CDK14: variants seen among roughly 807,000 people sequenced by gnomAD.
The protein encoded by CDK14 is cyclin dependent kinase 14.
In CDK14, 34 loss-of-function variants were observed where a neutral mutation model predicts 60.7. That is an observed-to-expected ratio of 0.56 (90% CI 0.43 to 0.75). CDK14 has a LOEUF of 0.75. Ranked by LOEUF, CDK14 falls within the 30% of genes least tolerant of loss-of-function variation. CDK14 has a pLI of 0.00. For missense variants in CDK14, 482 were observed against 564.1 expected, an observed-to-expected ratio of 0.85 and a Z score of 1.47; for synonymous variants, 197 against 203.7, an observed-to-expected ratio of 0.97 and a Z score of 0.28.
intron 9 of CDK14, among the ~76,000 whole-genome samples, chr7:90,964,652 G>A (rs1049690935): frequency 6.6e-6 from 1 of 151,760 alleles, no homozygotes; most frequent in African/African-American, 2.4e-5. Flanking sequence ...AACTCTTTTA[G>A]ACATGGTATT....
chr7:91,012,221 T>C (rs951662481), intron 10 of CDK14, among the ~76,000 whole-genome samples: 2 of 152,204 alleles, frequency 1.3e-5, no homozygotes, highest in African/African-American at 4.8e-5. Flanking sequence ...CTGTAAACAA[T>C]GCCTGTGAAT....
intron 14 of CDK14, among the ~76,000 whole-genome samples, chr7:91,119,456 C>A (rs2116381744): frequency 6.6e-6 from 1 of 152,258 alleles, no homozygotes; most frequent in South Asian, 2.1e-4. Flanking sequence ...TGCACTCCAG[C>A]CTGAGTGACA....
intron 11 of CDK14, among the ~76,000 whole-genome samples, chr7:91,070,217 A>G (rs1316148644): frequency 6.6e-6 from 1 of 152,078 alleles, no homozygotes; most frequent in East Asian, 1.9e-4. Context: ...AACACTTACC[A>G]CTTTCTAAAA....
In CDK14 at chr7:90,996,044, G is replaced by A. The variant is rs368183326; in HGVS notation, c.1041+11803G>A. ...ATCTGGAATGTGGAAGTCATTCTTC[G>A]GTTAGACTGAGTCCTTTGTTTCTCA... is the stretch of plus-strand genomic sequence containing the variant. On this transcript the variant is annotated intron_variant, in intron 10 of 14. Coordinates refer to ENST00000380050, the MANE Select transcript of CDK14 (RefSeq NM_001287135.2). Among the ~76,000 whole-genome samples the A allele has an allele frequency of 3.3e-5, 5 of 152,280 alleles. No homozygotes were observed. The South Asian group carries it at 8.3e-4, about 25-fold the overall frequency.
At chr7:91,022,619 C>T (rs1326489764) in intron 10 of CDK14, among the ~76,000 whole-genome samples, 2 of 152,222 alleles carry the variant, frequency 1.3e-5, no homozygotes, top group African/African-American at 4.8e-5. Context: ...TAAAGGCAAA[C>T]ACGTTACCAT....
chr7:90,770,404 G>T (rs1402288244), intron 4 of CDK14, among the ~76,000 whole-genome samples: 1 of 152,170 alleles, frequency 6.6e-6, no homozygotes, highest in South Asian at 2.1e-4. Context: ...TAAAAACTCA[G>T]TTAATTGACC....
At chr7:91,017,381 A>G (rs1796327438) in intron 10 of CDK14, among the ~76,000 whole-genome samples, 1 of 152,260 alleles carries the variant, frequency 6.6e-6, no homozygotes, top group South Asian at 2.1e-4. Context: ...GACTGGGCCT[A>G]TGCTAACAGA....
intron 8 of CDK14, among the ~76,000 whole-genome samples, chr7:90,948,276 T>C (rs1794158006): frequency 6.6e-6 from 1 of 152,202 alleles, no homozygotes. Flanking sequence ...AAGCAGAAAC[T>C]AGAAAATGAG....
At chr7:91,007,362 A>G (rs1024885522) in intron 10 of CDK14, among the ~76,000 whole-genome samples, 2 of 152,222 alleles carry the variant, frequency 1.3e-5, no homozygotes, top group Non-Finnish European at 2.9e-5. Flanking sequence ...ACAGTATCAG[A>G]CCAGACTTTC....
chr7:91,002,252 C>T (rs1169610343), intron 10 of CDK14, among the ~76,000 whole-genome samples: 1 of 152,168 alleles, frequency 6.6e-6, no homozygotes, highest in African/African-American at 2.4e-5. Context: ...AAGGAACATA[C>T]TATGAGAAGC....
intron 5 of CDK14, among the ~76,000 whole-genome samples, chr7:90,845,791 AT>A (rs552373219): frequency 6.6e-6 from 1 of 152,000 alleles, no homozygotes; most frequent in Non-Finnish European, 1.5e-5. Flanking sequence ...TAAAATGAGA[AT>A]TTTTTTGTCT....
chr7:90,765,096 T>G (rs988154131), intron 4 of CDK14, among the ~76,000 whole-genome samples: 3 of 152,276 alleles, frequency 2.0e-5, no homozygotes, highest in Non-Finnish European at 4.4e-5. Flanking sequence ...GTATGTCTCA[T>G]CAAACCTCTT....
At chr7:90,842,691 A>G (rs2117151181) in intron 5 of CDK14, among the ~76,000 whole-genome samples, 1 of 152,276 alleles carries the variant, frequency 6.6e-6, no homozygotes, top group Middle Eastern at 3.4e-3. Context: ...GCTTCATAGG[A>G]TTAAAAATAG....
intron 9 of CDK14, among the ~76,000 whole-genome samples, chr7:90,966,336 A>G (rs2117609904): frequency 6.6e-6 from 1 of 152,276 alleles, no homozygotes; most frequent in East Asian, 1.9e-4. Context: ...ACTTTTATAC[A>G]TTAAGCACTA....
At chr7:91,187,497 T>A (rs1802226254) in intron 14 of CDK14, among the ~76,000 whole-genome samples, 1 of 152,194 alleles carries the variant, frequency 6.6e-6, no homozygotes, top group Non-Finnish European at 1.5e-5. Context: ...AAGGAACCAA[T>A]ATTTATGAAG....
chr7:90,828,507 CTATT>C (rs1199480546), intron 5 of CDK14, among the ~76,000 whole-genome samples: 1 of 123,352 alleles, frequency 8.1e-6, no homozygotes, highest in African/African-American at 3.1e-5. Context: ...ATTGAATTCT[CTATT>C]TGTTTAATAT....
chr7:91,188,322 G>A (rs1055775295), intron 14 of CDK14, among the ~76,000 whole-genome samples: 3 of 152,090 alleles, frequency 2.0e-5, no homozygotes, highest in Non-Finnish European at 4.4e-5. Context: ...GTAATGAAAT[G>A]CAAGTGTTTA....
chr7:91,028,808 C>T (rs1410774139), intron 10 of CDK14, among the ~76,000 whole-genome samples: 1 of 151,802 alleles, frequency 6.6e-6, no homozygotes, highest in African/African-American at 2.4e-5. Flanking sequence ...TTTTTGCTGG[C>T]TGTCTTGTTG....
intron 1 of CDK14, among the ~76,000 whole-genome samples, chr7:90,603,523 T>A (rs907624617): frequency 3.3e-5 from 5 of 152,192 alleles, no homozygotes; most frequent in African/African-American, 4.8e-5. Flanking sequence ...TAGGTTTGTA[T>A]AAGTACACTC....
Sources: gnomAD v4.1 joint callset for allele counts (sites outside exome capture counted in the v4.1 genomes callset) on GRCh38, gnomAD v4.1.1 for gene constraint, MANE v1.5 for transcripts, NCBI Gene and HGNC (gene_info 2026-07-23, HGNC 2026-07-21) for gene names.